TJP1: variants seen among roughly 807,000 people sequenced by gnomAD.
The protein encoded by TJP1 is tight junction protein 1.
Under a neutral mutation model 194.2 loss-of-function variants are expected in TJP1, and 43 were observed. That is an observed-to-expected ratio of 0.22 (90% CI 0.17 to 0.29). The LOEUF is 0.29. Among genes scored for constraint, TJP1 ranks in the 10% least tolerant of loss-of-function variants. The pLI is 1.00. For synonymous variants in TJP1, 801 were observed against 779.0 expected (o/e 1.03, Z -0.47); for missense variants, 1,971 against 2,185.7 (o/e 0.90, Z 1.96).
intron 2 of TJP1, among the ~76,000 whole-genome samples, chr15:29,921,556 G>A (rs1369347696): frequency 1.3e-5 from 2 of 152,156 alleles, no homozygotes; most frequent in African/African-American, 4.8e-5. Flanking sequence ...AGATGTGTGG[G>A]CACAGCTCTC....
intron 19 of TJP1, 92 bp downstream of exon 19, chr15:29,720,266 A>G (rs2151133069): frequency 1.7e-6 from 2 of 1,205,516 alleles, no homozygotes; most frequent in East Asian, 4.7e-5. Flanking sequence ...AATCTGGAGA[A>G]AGGACAACAT....
chr15:29,913,157 G>A (rs2054074451), intron 2 of TJP1, among the ~76,000 whole-genome samples: 1 of 151,718 alleles, frequency 6.6e-6, no homozygotes, highest in Non-Finnish European at 1.5e-5. Context: ...AGCAAATAGA[G>A]CAGTAGATAG....
chr15:29,710,481 T>C (rs1293668415), intron 24 of TJP1, among the ~76,000 whole-genome samples: 1 of 152,178 alleles, frequency 6.6e-6, no homozygotes, highest in Non-Finnish European at 1.5e-5. Context: ...AGTCAAGGTG[T>C]ATGGGATACA....
intron 1 of TJP1, among the ~76,000 whole-genome samples, chr15:29,808,569 T>G (rs1370827819): frequency 6.6e-6 from 1 of 152,158 alleles, no homozygotes; most frequent in Non-Finnish European, 1.5e-5. Flanking sequence ...CAAATATGCT[T>G]CCATCCATCC....
intron 2 of TJP1, among the ~76,000 whole-genome samples, chr15:29,912,117 G>A (rs183572168): frequency 1.4e-4 from 22 of 152,284 alleles, no homozygotes; most frequent in Non-Finnish European, 2.9e-4. Flanking sequence ...CTTTGTAGAT[G>A]GCTTTTTGCT....
chr15:29,794,458 C>T (rs890756632), intron 2 of TJP1, among the ~76,000 whole-genome samples: 11 of 152,136 alleles, frequency 7.2e-5, no homozygotes, highest in African/African-American at 2.2e-4. Flanking sequence ...TCATCTAAAA[C>T]GGCATTATCA....
chr15:29,945,550 G>A (rs114057557), intron 2 of TJP1, among the ~76,000 whole-genome samples: 13 of 152,228 alleles, frequency 8.5e-5, no homozygotes, highest in African/African-American at 2.9e-4. Context: ...ATGGCAGCAC[G>A]AAACCCAATG....
chr15:29,838,326 G>A (rs1033150453), intron 2 of TJP1, among the ~76,000 whole-genome samples: 8 of 152,180 alleles, frequency 5.3e-5, no homozygotes, highest in African/African-American at 1.9e-4. Flanking sequence ...TTGGGAGGCT[G>A]AGGCATAAGA....
Position 29,718,067 on chromosome 15 carries a change from G to A in TJP1, c.3928C>T (p.Pro1310Ser). ...PSGAPIIGPK[P>S]TSQNQFSEHD... is the part of the protein sequence containing the mutation. ...TCACTGAATTGATTCTGAGAAGTGG[G>A]TTTGGGACCAATGATGGGAGCACCT... Residue 1310 changes from proline to serine, a missense_variant, in exon 22 of 28, where the codon CCC (proline) becomes TCC (serine). Physicochemically the swap from Pro to Ser is moderately conservative, Grantham distance 74 (BLOSUM62 -1). Coordinates refer to ENST00000614355, the MANE Select transcript of TJP1 (RefSeq NM_001330239.4). 1 of 1,612,908 alleles carries A rather than the reference G, an allele frequency of 6.2e-7. No individual in the cohort carries two copies. Among genetic ancestry groups the A allele is most frequent in the East Asian group, 2.2e-5 (1 of 44,796 alleles).
chr15:29,910,158 A>G (rs984514288), intron 2 of TJP1, among the ~76,000 whole-genome samples: 2 of 152,346 alleles, frequency 1.3e-5, no homozygotes, highest in African/African-American at 4.8e-5. Context: ...GATATCTAAC[A>G]CCCATTTTCC....
In TJP1 at chr15:29,769,351, T is replaced by C. The variant is rs569682767; in HGVS notation, c.312+2713A>G. On this transcript the variant is annotated intron_variant, in intron 4 of 27. Transcript: ENST00000614355. ...GACCTGTTGAAAACTGAACTCTCAA[T>C]AGCCTATTGATTTTCTGAAGGACAA... is the stretch of plus-strand genomic sequence containing the variant. 4.5e-4 allele frequency among the ~76,000 whole-genome samples: 69 copies of C among 152,354 alleles called. No homozygotes were observed. In the South Asian group the frequency reaches 8.9e-3, roughly 20 times the overall value.
chr15:29,711,429 G>A (rs1436825229), intron 23 of TJP1, among the ~76,000 whole-genome samples: 2 of 152,184 alleles, frequency 1.3e-5, no homozygotes, highest in African/African-American at 4.8e-5. Context: ...GCAGTGGCGC[G>A]ATCTCAGTTT....
chr15:29,915,167 G>C (rs1253786243), intron 2 of TJP1, among the ~76,000 whole-genome samples: 2 of 152,198 alleles, frequency 1.3e-5, no homozygotes, highest in African/African-American at 4.8e-5. Flanking sequence ...CCTTCCAACT[G>C]TAATACGGCT....
chr15:29,955,476 C>G (rs765024575), intron 2 of TJP1, among the ~76,000 whole-genome samples: 2 of 151,900 alleles, frequency 1.3e-5, no homozygotes, highest in Non-Finnish European at 2.9e-5. Flanking sequence ...AAATAAGAAC[C>G]TGTCACTTGG....
intron 2 of TJP1, among the ~76,000 whole-genome samples, chr15:29,927,784 T>A (rs1857304130): frequency 2.0e-5 from 3 of 152,092 alleles, no homozygotes. Flanking sequence ...TGAAGGCACA[T>A]AAATTGGAAT....
chr15:29,733,170 G>A lies in TJP1; in HGVS notation c.1660C>T (p.Leu554=). Residue 554 remains leucine, a synonymous_variant, in exon 13 of 28, where the codon CTG becomes TTG. Transcript: ENST00000614355. ...RVVDTLYNGK[L]GSWLAIRIGK... is the part of the protein sequence containing the mutation. ...ATTCGAATAGCAAGCCAAGAGCCCA[G>A]TTTTCCATTGTACAAGGTATCCACA... 2 of 1,614,052 alleles carry A rather than the reference G, an allele frequency of 1.2e-6. No homozygotes were observed. The highest frequency in any genetic ancestry group is 1.7e-6 in the Non-Finnish European group (2 of 1,180,002).
At chr15:29,744,356 C>G (rs989748678) in intron 8 of TJP1, among the ~76,000 whole-genome samples, 1 of 152,174 alleles carries the variant, frequency 6.6e-6, no homozygotes, top group Non-Finnish European at 1.5e-5. Flanking sequence ...TATAATTCCA[C>G]TTCTATATTT....
intron 4 of TJP1, among the ~76,000 whole-genome samples, chr15:29,769,543 G>C (rs1595828835): frequency 6.6e-6 from 1 of 152,174 alleles, no homozygotes; most frequent in Non-Finnish European, 1.5e-5. Context: ...GCCTGTGAAT[G>C]AGTGGGTTGG....
Position 29,926,912 on chromosome 15 carries a change from T to C in TJP1, c.306+29320A>G, listed in dbSNP as rs774718831. Among the ~76,000 whole-genome samples the C allele has an allele frequency of 7.4e-4, 113 of 152,124 alleles. 1 individual carries two copies. The highest frequency in any genetic ancestry group is 1.4e-3 in the Non-Finnish European group (98 of 67,990). On this transcript the variant is annotated intron_variant, in intron 2 of 28. Transcript: ENST00000356107. ...AAAAGAAAAACTCTTGCCTGAAAAA[T>C]TACCCTAGTATTCAAGCTACTTGTG...
Sources: gnomAD v4.1 joint callset for allele counts (sites outside exome capture counted in the v4.1 genomes callset) on GRCh38, gnomAD v4.1.1 for gene constraint, MANE v1.5 for transcripts, NCBI Gene and HGNC (gene_info 2026-07-23, HGNC 2026-07-21) for gene names.